Variants in TDRD9 observed in about 807,000 individuals in gnomAD.
The protein encoded by TDRD9 is ATP-dependent RNA helicase TDRD9.
Under a neutral mutation model 172.6 loss-of-function variants are expected in TDRD9, and 124 were observed. That is an observed-to-expected ratio of 0.72 (90% CI 0.62 to 0.83). The LOEUF (loss-of-function observed/expected upper bound fraction) is 0.83, where lower values mean the gene tolerates loss of function less well. Ranked by LOEUF, TDRD9 falls within the 40% of genes least tolerant of loss-of-function variation. TDRD9 has a pLI of 0.00. For synonymous variants in TDRD9, 619 were observed against 617.1 expected, an observed-to-expected ratio of 1.00 and a Z score of -0.05; for missense variants, 1,479 against 1,714.1, an observed-to-expected ratio of 0.86 and a Z score of 2.42.
intron 15 of TDRD9, among the ~76,000 whole-genome samples, chr14:104,005,732 T>C (rs961548119): frequency 6.6e-6 from 1 of 152,228 alleles, no homozygotes; most frequent in Non-Finnish European, 1.5e-5. Flanking sequence ...TGTATCCTAG[T>C]GTACATACTG....
chr14:104,004,961 C>T (rs1461431995), intron 14 of TDRD9, among the ~76,000 whole-genome samples: 2 of 151,848 alleles, frequency 1.3e-5, no homozygotes, highest in Non-Finnish European at 2.9e-5. Flanking sequence ...TGTCTCTCCC[C>T]TTCCTTTGTC....
At position 104,005,354 on chromosome 14, in the gene TDRD9, T is replaced by C. The variant is rs757267209; in HGVS notation, c.1662T>C (p.Leu554=). 6.2e-7 allele frequency: 1 copy of C among 1,613,990 alleles called. No individual in the cohort carries two copies. Among genetic ancestry groups the C allele is most frequent in the South Asian group, 1.1e-5 (1 of 91,078 alleles). ...CGAGAGCTCTGCTGGCCACTGCCCT[T>C]TCCCCGCCTGGTCTGAGTGACATTG... is the stretch of plus-strand genomic sequence containing the variant. The part of the protein sequence containing the change: ...GEPRALLATA[L]SPPGLSDIER... Residue 554 remains leucine (L), a synonymous_variant, in exon 15 of 36, where the codon CTT becomes CTC. Coordinates refer to ENST00000409874, the MANE Select transcript of TDRD9 (RefSeq NM_153046.3).
chr14:103,949,834 AC>A (rs1340724989), intron 1 of TDRD9, among the ~76,000 whole-genome samples: 1 of 149,804 alleles, frequency 6.7e-6, no homozygotes, highest in Admixed American at 6.6e-5. Flanking sequence ...CGCCCGCCCC[AC>A]CACTGCACCT....
intron 32 of TDRD9, among the ~76,000 whole-genome samples, chr14:104,038,966 A>C (rs1289285942): frequency 1.3e-5 from 2 of 152,174 alleles, no homozygotes; most frequent in African/African-American, 4.8e-5. Flanking sequence ...CACCGTGCCC[A>C]GTATATTAGT....
rs140445285 is a variant in TDRD9, at chr14:104,031,302, G to A, written c.3438+39G>A. ...TTTTAAAATGTAATTTAAAAGCTTA[G>A]TATCATTTTACATTTATGTGCTAGG... On this transcript the variant is annotated intron_variant, in intron 29 of 35. Transcript: ENST00000409874. 27 of 1,524,258 alleles carry A rather than the reference G, an allele frequency of 1.8e-5. No individual in the cohort carries two copies. In the East Asian group the frequency reaches 4.7e-4, roughly 26 times the overall value. 94.4% of individuals were successfully genotyped at this position (1,524,258 alleles called of 1,614,324 possible).
At chr14:103,939,506 A>G (rs1248400944) in intron 1 of TDRD9, among the ~76,000 whole-genome samples, 1 of 151,998 alleles carries the variant, frequency 6.6e-6, no homozygotes, top group Non-Finnish European at 1.5e-5. Flanking sequence ...TGAAAATCTC[A>G]GAGCAGGAAT....
chr14:104,052,206 A>G lies in TDRD9; in HGVS notation c.*124A>G. The G allele has an allele frequency of 1.7e-6, 1 of 580,540 alleles. No individual in the cohort carries two copies. Among genetic ancestry groups the G allele is most frequent in the East Asian group, 3.0e-5 (1 of 32,922 alleles). The allele number at this position is 580,540 out of a possible 1,614,324, so 36.0% of individuals were successfully genotyped here. On this transcript the variant is annotated 3_prime_UTR_variant, in exon 36 of 36. Coordinates refer to ENST00000409874, the MANE Select transcript of TDRD9 (RefSeq NM_153046.3). ...TACAGTCTGTGCCCACTGCATCCTAAAGGCCTTTTCTTTCTTCTTTTCTCT... is the reference window on the plus strand; with the variant it reads ...TACAGTCTGTGCCCACTGCATCCTAGAGGCCTTTTCTTTCTTCTTTTCTCT...
Position 103,997,283 on chromosome 14 carries a change from CGGTAGGGGACAGGAGGTGGG to C in TDRD9, c.1379-1335_1379-1316del, listed in dbSNP as rs2034090902. Among the ~76,000 whole-genome samples, 1 of 152,062 alleles carries C rather than the reference CGGTAGGGGACAGGAGGTGGG, an allele frequency of 6.6e-6. No homozygotes were observed. Among genetic ancestry groups the C allele is most frequent in the Non-Finnish European group, 1.5e-5 (1 of 67,998 alleles). On this transcript the variant is annotated intron_variant, in intron 12 of 35. Transcript: ENST00000409874. This position sits in a 1 kb window ranked among gnomAD's most constrained non-coding sequence, Gnocchi z 5.1. Reference sequence around the variant, plus strand: ...GGTGGTGCTTAGAAAAGGACAGCAGCGGTAGGGGACAGGAGGTGGGGGTAGATCCCAGGGAGATTCTGAAG... The same window carrying C: ...GGTGGTGCTTAGAAAAGGACAGCAGCGGTAGATCCCAGGGAGATTCTGAAG...
chr14:103,938,384 G>T (rs1468880782), intron 1 of TDRD9, among the ~76,000 whole-genome samples: 1 of 2,870 alleles, frequency 3.5e-4, no homozygotes, highest in Non-Finnish European at 3.3e-3. Context: ...CCCCATATAT[G>T]TGTGTGTGTG....
At chr14:103,965,011 C>A (rs1390616333) in intron 3 of TDRD9, among the ~76,000 whole-genome samples, 1 of 152,018 alleles carries the variant, frequency 6.6e-6, no homozygotes, top group Non-Finnish European at 1.5e-5. Context: ...AGTTCAAGAC[C>A]AGCCTGGCCA....
chr14:103,930,512 T>A (rs2030312556), intron 1 of TDRD9, among the ~76,000 whole-genome samples: 1 of 152,164 alleles, frequency 6.6e-6, no homozygotes, highest in African/African-American at 2.4e-5. Context: ...TGTTTGTTAG[T>A]CTTGTCTGAT....
At chr14:103,991,571 C>A (rs891382240) in intron 9 of TDRD9, among the ~76,000 whole-genome samples, 20 of 151,876 alleles carry the variant, frequency 1.3e-4, no homozygotes, top group African/African-American at 3.9e-4. Context: ...CGCCACCACG[C>A]CCGGCTTATT....
chr14:104,018,027 T>G, intron 22 of TDRD9, 65 bp from the exon 23 acceptor site: 1 of 938,682 alleles, frequency 1.1e-6, no homozygotes, highest in Non-Finnish European at 1.7e-6. Context: ...GCTTTGAGCT[T>G]GTGAATGTTG....
intron 27 of TDRD9, 86 bp from the exon 28 acceptor site, chr14:104,026,593 G>A: frequency 6.8e-7 from 1 of 1,460,134 alleles, no homozygotes; most frequent in Non-Finnish European, 9.4e-7. Context: ...GAAGGTACAT[G>A]AACAAGGTCT....
Position 104,024,601 on chromosome 14 carries a change from A to T in TDRD9, c.2639A>T (p.Asp880Val). 2 of 1,612,434 alleles carry T rather than the reference A, an allele frequency of 1.2e-6. No individual in the cohort carries two copies. Among genetic ancestry groups the T allele is most frequent in the South Asian group, 1.1e-5 (1 of 90,786 alleles). ...GTGGACTTCCAGAAGCAGACGGTAG[A>T]TCCTATGCAAGTCTCCTTTAACACA... ...VNVDFQKQTVDPMQVSFNTSD... is the reference protein window; with the variant it reads ...VNVDFQKQTVVPMQVSFNTSD... Residue 880 changes from aspartate to valine, a missense_variant, in exon 25 of 36, where the codon GAT (aspartate) becomes GTT (valine). By Grantham distance (152) the Asp-to-Val change is radical. Coordinates refer to ENST00000409874, the MANE Select transcript of TDRD9 (RefSeq NM_153046.3).
chr14:103,978,110 C>G (rs1049029960), intron 7 of TDRD9, among the ~76,000 whole-genome samples: 2 of 152,062 alleles, frequency 1.3e-5, no homozygotes, highest in South Asian at 2.1e-4. Flanking sequence ...AATGTGATGC[C>G]TCTTGCTTTG....
At chr14:104,015,701 C>T (rs1475638027) in intron 21 of TDRD9, among the ~76,000 whole-genome samples, 2 of 152,140 alleles carry the variant, frequency 1.3e-5, no homozygotes, top group African/African-American at 4.8e-5. Context: ...TTCAACTTGC[C>T]ACTGTTTCCC....
At chr14:103,951,529 T>C (rs1160366535) in intron 1 of TDRD9, among the ~76,000 whole-genome samples, 4 of 152,212 alleles carry the variant, frequency 2.6e-5, no homozygotes, top group Non-Finnish European at 5.9e-5. Flanking sequence ...TTGTTAAATC[T>C]GCACTTTCTA....
At chr14:104,021,058 A>G (rs1326489042) in intron 23 of TDRD9, among the ~76,000 whole-genome samples, 1 of 152,122 alleles carries the variant, frequency 6.6e-6, no homozygotes, top group Non-Finnish European at 1.5e-5. Flanking sequence ...AAGAGGTTTA[A>G]TTGGCTCATG....
Sources: allele counts gnomAD v4.1 joint callset (sites outside exome capture counted in the v4.1 genomes callset), GRCh38; gene constraint gnomAD v4.1.1; non-coding constraint Gnocchi (gnomAD v3.1); transcripts MANE v1.5; gene names NCBI Gene and HGNC (gene_info 2026-07-23, HGNC 2026-07-21).